The following CUBN variants were observed in gnomAD, a reference collection of about 807,000 sequenced individuals.
CUBN encodes the protein cubilin.
Under a neutral mutation model 405.3 loss-of-function variants are expected in CUBN, and 282 were observed. That is an observed-to-expected ratio of 0.70 (90% CI 0.63 to 0.77). CUBN has a LOEUF of 0.77. Among genes scored for constraint, CUBN ranks in the 30% least tolerant of loss-of-function variants. CUBN has a pLI of 0.00. For synonymous variants in CUBN, 1,684 were observed against 1,617.0 expected (o/e 1.04, Z -0.99); for missense variants, 4,514 against 4,475.2 (o/e 1.01, Z -0.25).
At chr10:17,086,687 T>C (rs1461337575) in intron 15 of CUBN, among the ~76,000 whole-genome samples, 1 of 152,086 alleles carries the variant, frequency 6.6e-6, no homozygotes, top group African/African-American at 2.4e-5. Context: ...CACCGAGGAG[T>C]CAATGAACTA....
chr10:17,113,340 T>C (rs12764449), intron 8 of CUBN, among the ~76,000 whole-genome samples: 88,258 of 151,858 alleles, frequency 0.58, 26,691 homozygotes, highest in Non-Finnish European at 0.67. Flanking sequence ...TCTAAGAACA[T>C]CCCTGGAGCG....
At chr10:17,107,935 T>C (rs1159182382) in intron 10 of CUBN, among the ~76,000 whole-genome samples, 1 of 152,210 alleles carries the variant, frequency 6.6e-6, no homozygotes, top group Non-Finnish European at 1.5e-5. Context: ...CTTTTAAAAA[T>C]ATTTATAGGG....
intron 31 of CUBN, among the ~76,000 whole-genome samples, chr10:16,976,629 G>C (rs527912500): frequency 6.6e-6 from 1 of 151,728 alleles, no homozygotes; most frequent in Non-Finnish European, 1.5e-5. Flanking sequence ...GCTCTTCAAA[G>C]TTTGCTTCTG....
At chr10:16,936,496 A>C (rs1020290516) in intron 39 of CUBN, among the ~76,000 whole-genome samples, 3 of 152,220 alleles carry the variant, frequency 2.0e-5, no homozygotes, top group Non-Finnish European at 4.4e-5. Flanking sequence ...TATCTTCATT[A>C]GTGACTTCTG....
chr10:16,875,791 A>G (rs1451830515), intron 57 of CUBN, among the ~76,000 whole-genome samples: 3 of 152,246 alleles, frequency 2.0e-5, no homozygotes, highest in Non-Finnish European at 4.4e-5. Flanking sequence ...AATCTTGACT[A>G]CTTCCTTGTA....
At chr10:16,968,771 G>A (rs1843470171) in intron 31 of CUBN, among the ~76,000 whole-genome samples, 1 of 152,226 alleles carries the variant, frequency 6.6e-6, no homozygotes, top group South Asian at 2.1e-4. Context: ...CTCAGCCTTC[G>A]TGAAAGGAAA....
At chr10:16,938,908 T>C in intron 38 of CUBN, 55 bp downstream of exon 38, 2 of 1,461,170 alleles carry the variant, frequency 1.4e-6, no homozygotes, top group Non-Finnish European at 1.9e-6. Flanking sequence ...GGATTTATTT[T>C]TACCAATAGC....
At chr10:17,129,500 C>G in intron 1 of CUBN, 144 bp downstream of exon 1, 1 of 1,127,544 alleles carries the variant, frequency 8.9e-7, no homozygotes, top group Non-Finnish European at 1.3e-6. Context: ...TAATTTCATA[C>G]CTCAGTCTAA....
chr10:17,116,456 AG>A (rs1445068543), intron 6 of CUBN, among the ~76,000 whole-genome samples: 1 of 152,132 alleles, frequency 6.6e-6, no homozygotes, highest in Non-Finnish European at 1.5e-5. Flanking sequence ...CCAGGCCCAG[AG>A]GTTGCCGATT....
chr10:17,115,036 G>C (rs952614361), intron 7 of CUBN, among the ~76,000 whole-genome samples: 2 of 152,056 alleles, frequency 1.3e-5, no homozygotes, highest in African/African-American at 4.8e-5. Flanking sequence ...CTGAGGTCAG[G>C]AGTTCGAGAT....
At chr10:17,104,804 T>C (rs1836583796) in intron 11 of CUBN, among the ~76,000 whole-genome samples, 199 bp from the exon 12 acceptor site, 1 of 134,520 alleles carries the variant, frequency 7.4e-6, no homozygotes, top group Non-Finnish European at 1.6e-5. Flanking sequence ...TATAATTATA[T>C]ATATATAATT....
At chr10:17,114,267 CCTAA>C in intron 7 of CUBN, 78 bp from the exon 8 acceptor site, 6 of 1,420,942 alleles carry the variant, frequency 4.2e-6, no homozygotes, top group East Asian at 2.3e-5. Context: ...TCATCAAGCC[CCTAA>C]CTGTTTATCC....
rs566198760 is a variant in CUBN at position 16,926,222 on chromosome 10, T to C, written c.6272-448A>G. ...AATGAAGGATCAAGCCAGATAGTTA[T>C]GGGGGAGAAAACATTCCAGTTCAGA... On this transcript the variant is annotated intron_variant, in intron 41 of 66. Transcript: ENST00000377833. 1.4e-4 allele frequency among the ~76,000 whole-genome samples: 22 copies of C among 152,228 alleles called. No individual in the cohort carries two copies. The South Asian group carries it at 4.1e-3, about 29-fold the overall frequency.
At chr10:17,038,129 T>C (rs1403273188) in intron 27 of CUBN, among the ~76,000 whole-genome samples, 1 of 152,078 alleles carries the variant, frequency 6.6e-6, no homozygotes, top group Non-Finnish European at 1.5e-5. Context: ...TGTTCCTACT[T>C]CCTCTTCTCA....
At chr10:17,012,636 A>T (rs1003911181) in intron 28 of CUBN, among the ~76,000 whole-genome samples, 5 of 152,220 alleles carry the variant, frequency 3.3e-5, no homozygotes, top group Admixed American at 6.5e-5. Context: ...AAAACCTTGT[A>T]AGTTTGGGAT....
At chr10:16,841,729 G>A (rs1839354515) in intron 60 of CUBN, among the ~76,000 whole-genome samples, 1 of 151,986 alleles carries the variant, frequency 6.6e-6, no homozygotes, top group Non-Finnish European at 1.5e-5. Context: ...TTGTCCTCGT[G>A]CATTTCTTCA....
intron 30 of CUBN, 62 bp from the exon 31 acceptor site, chr10:16,982,715 T>C: frequency 7.1e-7 from 1 of 1,414,080 alleles, no homozygotes; most frequent in Non-Finnish European, 9.8e-7. Flanking sequence ...AATAATCCAT[T>C]ACCTGGTTGT....
At chr10:17,026,853 T>C (rs924015250) in intron 27 of CUBN, among the ~76,000 whole-genome samples, 1 of 152,164 alleles carries the variant, frequency 6.6e-6, no homozygotes, top group African/African-American at 2.4e-5. Flanking sequence ...TGGCCACTCA[T>C]AGCATGCTCC....
chr10:17,124,121 G>A lies in CUBN; in HGVS notation c.388-432C>T, dbSNP rs138115189. 5.4e-3 allele frequency among the ~76,000 whole-genome samples: 819 copies of A among 152,302 alleles called. 11 individuals are homozygous for A. The highest frequency in any genetic ancestry group is 0.019 in the African/African-American group (789 of 41,580). ...ATTCTTATCTTTGGTCCCTCGAGGT[G>A]AGCCTTTGAAATATAATCATCTGCT... is the stretch of plus-strand genomic sequence containing the variant. On this transcript the variant is annotated intron_variant, in intron 4 of 66. Coordinates refer to ENST00000377833, the MANE Select transcript of CUBN (RefSeq NM_001081.4).
Sources: gnomAD v4.1 joint callset for allele counts (sites outside exome capture counted in the v4.1 genomes callset) on GRCh38, gnomAD v4.1.1 for gene constraint, MANE v1.5 for transcripts, NCBI Gene and HGNC (gene_info 2026-07-23, HGNC 2026-07-21) for gene names.